Variants in TAFA4 observed in about 807,000 individuals in gnomAD.
TAFA4 encodes TAFA chemokine like family member 4.
A neutral mutation model predicts 21.1 loss-of-function variants in TAFA4; 20 were observed. The observed-to-expected ratio is 0.95, with a 90% CI of 0.67 to 1.38. TAFA4 has a LOEUF of 1.38. Among genes scored for constraint, TAFA4 ranks in the 40% most tolerant of loss-of-function variants. TAFA4 has a pLI of 0.00. For synonymous variants in TAFA4, 71 were observed against 67.4 expected (o/e 1.05, Z -0.26); for missense variants, 211 against 180.9 (o/e 1.17, Z -0.95).
intron 3 of TAFA4, among the ~76,000 whole-genome samples, chr3:68,827,906 T>C (rs1468671410): frequency 1.3e-5 from 2 of 152,224 alleles, no homozygotes; most frequent in Non-Finnish European, 2.9e-5. Flanking sequence ...TTTGTCAAGT[T>C]TGGCTTTTGT....
chr3:68,857,679 C>T (rs1306663353), intron 3 of TAFA4, among the ~76,000 whole-genome samples: 1 of 152,054 alleles, frequency 6.6e-6, no homozygotes, highest in Non-Finnish European at 1.5e-5. Flanking sequence ...GAAGACCACT[C>T]TGACATAGCA....
intron 4 of TAFA4, among the ~76,000 whole-genome samples, chr3:68,745,432 T>C (rs1394028276): frequency 6.6e-6 from 1 of 152,154 alleles, no homozygotes; most frequent in East Asian, 1.9e-4. Flanking sequence ...TAAAATTCGT[T>C]TAAAAGCCCC....
At chr3:68,800,826 G>T (rs1703562550) in intron 3 of TAFA4, among the ~76,000 whole-genome samples, 1 of 152,190 alleles carries the variant, frequency 6.6e-6, no homozygotes, top group Admixed American at 6.5e-5. Flanking sequence ...AGCACTTGAA[G>T]AACTGAGCTG....
At chr3:68,826,316 G>C (rs1704234179) in intron 3 of TAFA4, among the ~76,000 whole-genome samples, 1 of 152,176 alleles carries the variant, frequency 6.6e-6, no homozygotes, top group Admixed American at 6.5e-5. Flanking sequence ...GCTCACGCCT[G>C]TAATCCCAAC....
intron 3 of TAFA4, among the ~76,000 whole-genome samples, chr3:68,811,825 A>G (rs1435652521): frequency 6.6e-6 from 1 of 152,136 alleles, no homozygotes; most frequent in East Asian, 1.9e-4. Flanking sequence ...TACAGAGAAC[A>G]CCACAAAGAT....
chr3:68,863,166 C>T lies in TAFA4; in HGVS notation c.130+17564G>A, dbSNP rs555701380. ...CTCAGGTGGGAGGATCACTTGAGCC[C>T]GGGAAGGTGGGGGTTGCAGTGAGCT... On this transcript the variant is annotated intron_variant, in intron 3 of 5. Transcript: ENST00000295569. Among the ~76,000 whole-genome samples the T allele has an allele frequency of 7.2e-5, 11 of 151,938 alleles. 1 individual carries two copies. The highest frequency in any genetic ancestry group is 2.7e-4 in the African/African-American group (11 of 41,462).
At chr3:68,761,440 C>G (rs1421837722) in intron 3 of TAFA4, among the ~76,000 whole-genome samples, 1 of 151,920 alleles carries the variant, frequency 6.6e-6, no homozygotes. Context: ...GCCTAAGAAA[C>G]TAACATTTGA....
chr3:68,802,454 T>TA (rs11410576), intron 3 of TAFA4, among the ~76,000 whole-genome samples: 31,125 of 144,384 alleles, frequency 0.22, 4,000 homozygotes, highest in East Asian at 0.63. Flanking sequence ...GGATAATTGT[T>TA]AAAAAAAAAA....
At chr3:68,814,988 C>A (rs1382194401) in intron 3 of TAFA4, among the ~76,000 whole-genome samples, 8 of 151,956 alleles carry the variant, frequency 5.3e-5, no homozygotes, top group East Asian at 1.9e-4. Context: ...GGAACAGAAC[C>A]GAGGCCTCAA....
In TAFA4 at chr3:68,733,053, T is replaced by G; in HGVS notation, c.*89A>C. 6 of 1,571,000 alleles carry G rather than the reference T, an allele frequency of 3.8e-6. No homozygotes were observed. The highest frequency in any genetic ancestry group is 5.2e-6 in the Non-Finnish European group (6 of 1,149,958). On this transcript the variant is annotated 3_prime_UTR_variant, in exon 6 of 6. Transcript: ENST00000295569. ...ATGAAGTTGCTGAAATCCTAGACAA[T>G]TTTCTGCAAAGGGGCCATGATGGGA...
chr3:68,890,532 C>T (rs2089719571), intron 1 of TAFA4, among the ~76,000 whole-genome samples: 1 of 152,158 alleles, frequency 6.6e-6, no homozygotes, highest in Non-Finnish European at 1.5e-5. Flanking sequence ...TGACATAGCG[C>T]CTGCTAGGAA....
At chr3:68,770,041 T>C (rs1412906527) in intron 3 of TAFA4, among the ~76,000 whole-genome samples, 2 of 152,108 alleles carry the variant, frequency 1.3e-5, no homozygotes, top group Non-Finnish European at 2.9e-5. Flanking sequence ...AAAATATCCC[T>C]GCATAGGACT....
intron 3 of TAFA4, among the ~76,000 whole-genome samples, chr3:68,823,852 C>T (rs1344620002): frequency 1.3e-5 from 2 of 152,192 alleles, no homozygotes; most frequent in African/African-American, 4.8e-5. Context: ...GGTACATATA[C>T]AAGATCTTTT....
intron 3 of TAFA4, among the ~76,000 whole-genome samples, chr3:68,763,638 A>G (rs188803702): frequency 5.7e-4 from 87 of 152,234 alleles, no homozygotes; most frequent in Non-Finnish European, 9.9e-4. Flanking sequence ...ATCACTTCTA[A>G]TAAGTCTTAA....
At chr3:68,894,650 A>G (rs2089767853) in intron 1 of TAFA4, among the ~76,000 whole-genome samples, 1 of 152,186 alleles carries the variant, frequency 6.6e-6, no homozygotes, top group Non-Finnish European at 1.5e-5. Context: ...ACACACAAGG[A>G]GCAGCCAACA....
At chr3:68,811,118 G>C (rs1390870639) in intron 3 of TAFA4, among the ~76,000 whole-genome samples, 2 of 152,130 alleles carry the variant, frequency 1.3e-5, no homozygotes, top group Admixed American at 1.3e-4. Flanking sequence ...GGTCCTGACT[G>C]TTAGAAGGAA....
At chr3:68,879,047 T>A (rs1222522249) in intron 3 of TAFA4, among the ~76,000 whole-genome samples, 2 of 152,256 alleles carry the variant, frequency 1.3e-5, no homozygotes, top group East Asian at 3.9e-4. Flanking sequence ...ACATCCACTC[T>A]TCTAATCCAA....
chr3:68,888,975 A>G (rs1228914029), intron 1 of TAFA4, among the ~76,000 whole-genome samples: 2 of 152,202 alleles, frequency 1.3e-5, no homozygotes, highest in African/African-American at 4.8e-5. Context: ...TTCAAGATCG[A>G]TAACTTTGTG....
intron 3 of TAFA4, among the ~76,000 whole-genome samples, chr3:68,835,228 C>T (rs1704495880): frequency 6.6e-6 from 1 of 152,198 alleles, no homozygotes; most frequent in African/African-American, 2.4e-5. Context: ...CTCCCCTACA[C>T]CCACCTTGCT....
Sources: allele counts gnomAD v4.1 joint callset (sites outside exome capture counted in the v4.1 genomes callset), GRCh38; gene constraint gnomAD v4.1.1; transcripts MANE v1.5; gene names NCBI Gene and HGNC (gene_info 2026-07-23, HGNC 2026-07-21).